The following USP32 variants were observed in gnomAD, a reference collection of about 807,000 sequenced individuals.
USP32 encodes the protein ubiquitin carboxyl-terminal hydrolase 32.
A neutral mutation model predicts 204.8 loss-of-function variants in USP32; 59 were observed. The ratio of observed to expected loss-of-function variants is 0.29; its 90% confidence interval spans 0.23 to 0.36. The LOEUF (loss-of-function observed/expected upper bound fraction) is 0.36, where lower values mean the gene tolerates loss of function less well. USP32 is among the 10% of genes least tolerant of loss of function. USP32 has a pLI of 1.00. For missense variants in USP32, 1,160 were observed against 1,946.4 expected, an observed-to-expected ratio of 0.60 and a Z score of 7.60; for synonymous variants, 517 against 678.4, an observed-to-expected ratio of 0.76 and a Z score of 3.70.
intron 1 of USP32, among the ~76,000 whole-genome samples, chr17:60,411,044 C>T (rs1437826945): frequency 6.6e-6 from 1 of 151,218 alleles, no homozygotes; most frequent in Non-Finnish European, 1.5e-5. Flanking sequence ...AGTTAGCCAG[C>T]CAGGCCAGGC....
intron 1 of USP32, among the ~76,000 whole-genome samples, chr17:60,373,343 C>A (rs142287056): frequency 6.6e-6 from 1 of 152,022 alleles, no homozygotes; most frequent in Admixed American, 6.6e-5. Context: ...TAGGACATTA[C>A]CATGGAGTAC....
chr17:60,231,048 T>C (rs1363542001), intron 12 of USP32, among the ~76,000 whole-genome samples: 2 of 152,224 alleles, frequency 1.3e-5, no homozygotes, highest in Non-Finnish European at 2.9e-5. Context: ...GTTTCACCTG[T>C]AGAGAGAAAT....
At chr17:60,276,157 T>C (rs533183393) in intron 5 of USP32, among the ~76,000 whole-genome samples, 1 of 152,264 alleles carries the variant, frequency 6.6e-6, no homozygotes, top group African/African-American at 2.4e-5. Flanking sequence ...GGTAAGAGGA[T>C]TGCTTAAGTC....
intron 5 of USP32, among the ~76,000 whole-genome samples, chr17:60,276,564 T>C (rs570590845): frequency 1.3e-5 from 2 of 152,312 alleles, no homozygotes; most frequent in African/African-American, 4.8e-5. Context: ...GTCTTGACGA[T>C]AGAAACTGTT....
At position 60,341,127 on chromosome 17, in the gene USP32, T is replaced by C. The variant is rs569789369; in HGVS notation, c.186+4354A>G. 4.6e-5 allele frequency among the ~76,000 whole-genome samples: 7 copies of C among 152,308 alleles called. No individual in the cohort carries two copies. The South Asian group carries it at 1.5e-3, about 32-fold the overall frequency. On this transcript the variant is annotated intron_variant, in intron 2 of 33. Transcript: ENST00000300896. ...ATTTTTTCCTTCATTTCAACCTTAG[T>C]GAATCTGACAACTATGTGTCTTGGG... is the stretch of plus-strand genomic sequence containing the variant.
At chr17:60,390,813 T>C (rs919781438) in intron 1 of USP32, among the ~76,000 whole-genome samples, 4 of 152,234 alleles carry the variant, frequency 2.6e-5, no homozygotes, top group Admixed American at 2.6e-4. Context: ...CAATAATGCC[T>C]AGCTCCTAAT....
intron 29 of USP32, among the ~76,000 whole-genome samples, chr17:60,186,389 G>A (rs1035240445): frequency 6.6e-6 from 1 of 152,180 alleles, no homozygotes; most frequent in Non-Finnish European, 1.5e-5. Context: ...ATGAAACACA[G>A]AAACCAGAGC....
chr17:60,187,096 C>T (rs1395362257), intron 29 of USP32, among the ~76,000 whole-genome samples: 1 of 152,166 alleles, frequency 6.6e-6, no homozygotes, highest in Non-Finnish European at 1.5e-5. Flanking sequence ...AATTTCCCTT[C>T]CTGAAACTCA....
chr17:60,307,124 C>G (rs1396216762), intron 2 of USP32, among the ~76,000 whole-genome samples: 1 of 147,524 alleles, frequency 6.8e-6, no homozygotes, highest in Non-Finnish European at 1.5e-5. Flanking sequence ...TCTTTTGAGA[C>G]AGTCTTGCTG....
chr17:60,289,630 G>A (rs1314666904), intron 4 of USP32, among the ~76,000 whole-genome samples: 1 of 152,116 alleles, frequency 6.6e-6, no homozygotes, highest in Non-Finnish European at 1.5e-5. Flanking sequence ...CTGAAAAAGA[G>A]CATCATATGG....
chr17:60,216,306 A>C (rs988176602), intron 16 of USP32, among the ~76,000 whole-genome samples: 5 of 148,686 alleles, frequency 3.4e-5, no homozygotes, highest in African/African-American at 7.7e-5. Context: ...AAAAAAAAAA[A>C]CATCATTAAA....
chr17:60,312,162 G>T (rs1336851821), intron 2 of USP32, among the ~76,000 whole-genome samples: 1 of 152,180 alleles, frequency 6.6e-6, no homozygotes, highest in Non-Finnish European at 1.5e-5. Context: ...CAGGACCTAA[G>T]CTGGAAAGCA....
intron 1 of USP32, among the ~76,000 whole-genome samples, chr17:60,380,435 G>A (rs1161023778): frequency 6.6e-6 from 1 of 152,110 alleles, no homozygotes; most frequent in Non-Finnish European, 1.5e-5. Flanking sequence ...GGGCATAGTG[G>A]TGCACACCTG....
chr17:60,403,994 C>T (rs2089956437), intron 1 of USP32, among the ~76,000 whole-genome samples: 2 of 149,744 alleles, frequency 1.3e-5, no homozygotes, highest in South Asian at 4.2e-4. Flanking sequence ...GAGCCGCGAT[C>T]ACACCACTGC....
At chr17:60,387,997 G>GTA (rs2089760775) in intron 1 of USP32, among the ~76,000 whole-genome samples, 2 of 152,044 alleles carry the variant, frequency 1.3e-5, no homozygotes, top group African/African-American at 4.8e-5. Flanking sequence ...TACACTTAGT[G>GTA]GAGATCACTG....
intron 5 of USP32, among the ~76,000 whole-genome samples, chr17:60,274,096 A>G (rs1175244409): frequency 6.6e-6 from 1 of 152,086 alleles, no homozygotes; most frequent in Non-Finnish European, 1.5e-5. Context: ...GCCTATACTA[A>G]GGAAAGAAAT....
intron 3 of USP32, among the ~76,000 whole-genome samples, chr17:60,300,066 G>A (rs2087535133): frequency 6.6e-6 from 1 of 152,162 alleles, no homozygotes; most frequent in South Asian, 2.1e-4. Context: ...TTTTGAGGGA[G>A]ACACAAATAT....
At chr17:60,300,590 A>C (rs978136518) in intron 3 of USP32, among the ~76,000 whole-genome samples, 5 of 152,240 alleles carry the variant, frequency 3.3e-5, no homozygotes, top group Admixed American at 3.3e-4. Flanking sequence ...TAACGTATAT[A>C]AAATGTTATC....
intron 2 of USP32, among the ~76,000 whole-genome samples, chr17:60,335,133 C>T (rs1316008647): frequency 1.4e-5 from 2 of 141,784 alleles, no homozygotes; most frequent in East Asian, 2.0e-4. Flanking sequence ...GCAAGACACC[C>T]AGCTAATTTT....
Sources: allele counts gnomAD v4.1 joint callset (sites outside exome capture counted in the v4.1 genomes callset), GRCh38; gene constraint gnomAD v4.1.1; transcripts MANE v1.5; gene names NCBI Gene and HGNC (gene_info 2026-07-23, HGNC 2026-07-21).